The following RAP1GAP2 variants were observed in gnomAD, a reference collection of about 807,000 sequenced individuals.
RAP1GAP2 encodes the protein rap1 GTPase-activating protein 2.
In RAP1GAP2, 27 loss-of-function variants were observed where a neutral mutation model predicts 95.0. That is an observed-to-expected ratio of 0.28 (90% CI 0.21 to 0.39). The LOEUF is 0.39. RAP1GAP2 is among the 10% of genes least tolerant of loss of function. The probability of loss-of-function intolerance (pLI) is 1.00; values close to 1 mark genes in which losing one functional copy is unlikely to be tolerated. For missense variants in RAP1GAP2, 771 were observed against 970.0 expected, an observed-to-expected ratio of 0.79 and a Z score of 2.72; for synonymous variants, 373 against 380.9, an observed-to-expected ratio of 0.98 and a Z score of 0.24.
rs1214998421 is a variant in RAP1GAP2, at chr17:2,866,490, T to C, written c.81-38794T>C. Among the ~76,000 whole-genome samples, 1 of 152,262 alleles carries C rather than the reference T, an allele frequency of 6.6e-6. No individual in the cohort carries two copies. Among genetic ancestry groups the C allele is most frequent in the African/African-American group, 2.4e-5 (1 of 41,472 alleles). Reference sequence around the variant, plus strand: ...AACAATTCTGTAACATTTGTGTTATTGTGATTTTTATTAAATAGAGGTTTG... The same window carrying C: ...AACAATTCTGTAACATTTGTGTTATCGTGATTTTTATTAAATAGAGGTTTG... On this transcript the variant is annotated intron_variant, in intron 2 of 24. Transcript: ENST00000254695. This position sits in a 1 kb window ranked among gnomAD's most constrained non-coding sequence, Gnocchi z 4.0.
intron 8 of RAP1GAP2, among the ~76,000 whole-genome samples, chr17:2,967,204 T>TA (rs1304455068): frequency 6.6e-6 from 1 of 151,836 alleles, no homozygotes. Flanking sequence ...CCGTCTCTAC[T>TA]AAAAATACAA....
chr17:2,998,352 A>T lies in RAP1GAP2; in HGVS notation c.1176A>T (p.Pro392=). 1 of 1,614,014 alleles carries T rather than the reference A, an allele frequency of 6.2e-7. No homozygotes were observed. Among genetic ancestry groups the T allele is most frequent in the Non-Finnish European group, 8.5e-7 (1 of 1,179,888 alleles). ...HAYIVVQVET[P]GTETPSYKVS... ...ACATCGTCGTGCAGGTCGAGACCCC[A>T]GGCACAGAGACCCCATCCTACAAGG... The change falls in exon 14 of 25, where the codon CCA becomes CCT. Residue 392 remains proline, a synonymous_variant. Transcript: ENST00000254695.
intron 2 of RAP1GAP2, among the ~76,000 whole-genome samples, chr17:2,900,983 G>A (rs1472422200): frequency 1.3e-5 from 2 of 152,210 alleles, no homozygotes; most frequent in Admixed American, 6.5e-5. Context: ...GGGGAGGCGA[G>A]GAGCCTGCAG....
intron 2 of RAP1GAP2, among the ~76,000 whole-genome samples, chr17:2,846,286 G>A (rs2071586370): frequency 6.6e-6 from 1 of 152,052 alleles, no homozygotes; most frequent in African/African-American, 2.4e-5. Flanking sequence ...CTTTTGAGGT[G>A]CTTCCTTGTT....
chr17:2,778,198 T>C, intron 1 of RAP1GAP2, among the ~76,000 whole-genome samples: 1 of 151,372 alleles, frequency 6.6e-6, no homozygotes, highest in Non-Finnish European at 1.5e-5. Flanking sequence ...GGGGTGGGCA[T>C]CTGTTGGATT....
intron 21 of RAP1GAP2, 85 bp downstream of exon 21, chr17:3,026,549 G>T (rs1038502105): frequency 4.3e-5 from 48 of 1,119,068 alleles, no homozygotes; most frequent in Non-Finnish European, 5.9e-5. Flanking sequence ...ACTGTGGATC[G>T]AAGCCCATGT....
At chr17:3,015,642 C>T (rs1051203048) in intron 17 of RAP1GAP2, among the ~76,000 whole-genome samples, 4 of 152,024 alleles carry the variant, frequency 2.6e-5, no homozygotes, top group African/African-American at 7.2e-5. Flanking sequence ...CACAGTGAAC[C>T]GCCATCTCTA....
Position 3,005,455 on chromosome 17 carries a change from C to T in RAP1GAP2, c.1272+15C>T, listed in dbSNP as rs760554085. 4 of 1,606,242 alleles carry T rather than the reference C, an allele frequency of 2.5e-6. No homozygotes were observed. In the Admixed American group the frequency reaches 5.0e-5, roughly 20 times the overall value. On this transcript the variant is annotated intron_variant, in intron 15 of 24. Transcript: ENST00000254695. This position sits in a 1 kb window ranked among gnomAD's most constrained non-coding sequence, Gnocchi z 5.2. ...TTTTCCAGAAGGTAGGACACTCTTC[C>T]TTCTGCCCCTCTCGCATCCACGATG... is the stretch of plus-strand genomic sequence containing the variant.
intron 2 of RAP1GAP2, among the ~76,000 whole-genome samples, chr17:2,806,376 T>TTTTTTATTA (rs150744972): frequency 2.9e-5 from 4 of 139,942 alleles, no homozygotes; most frequent in East Asian, 2.1e-4. Context: ...CTACAACCTT[T>TTTTTTATTA]TTATTATTAT....
In RAP1GAP2 at chr17:3,008,131, C is replaced by T. The variant is rs2046392434; in HGVS notation, c.1480C>T (p.Leu494=). ...TGAGAATGGAGGCCACGGGGGGTTC[C>T]TGGAGTCTTTTAAGGTATGAGCGTC... ...KFENGGHGGF[L]ESFKRAIRVR... is the part of the protein sequence containing the mutation. Residue 494 remains leucine, a synonymous_variant, in exon 17 of 25, where the codon CTG becomes TTG. Coordinates refer to ENST00000254695, the MANE Select transcript of RAP1GAP2 (RefSeq NM_015085.5). This position sits in a 1 kb window ranked among gnomAD's most constrained non-coding sequence, Gnocchi z 4.2. 1 of 1,613,832 alleles carries T rather than the reference C, an allele frequency of 6.2e-7. No individual in the cohort carries two copies. Among genetic ancestry groups the T allele is most frequent in the African/African-American group, 1.3e-5 (1 of 74,910 alleles).
At chr17:2,756,364 C>T (rs918014990) in intron 1 of RAP1GAP2, among the ~76,000 whole-genome samples, 1 of 152,224 alleles carries the variant, frequency 6.6e-6, no homozygotes, top group East Asian at 1.9e-4. Flanking sequence ...CTCCGCAGTC[C>T]TGGCCCGCTG....
intron 2 of RAP1GAP2, among the ~76,000 whole-genome samples, chr17:2,824,120 C>CAAAA (rs71150900): frequency 1.9e-5 from 2 of 105,428 alleles, no homozygotes; most frequent in Non-Finnish European, 3.7e-5. Flanking sequence ...AAGACTGTCT[C>CAAAA]AAAAAAAAAA....
At chr17:2,854,600 A>G (rs1450043423) in intron 2 of RAP1GAP2, among the ~76,000 whole-genome samples, 2 of 149,594 alleles carry the variant, frequency 1.3e-5, no homozygotes, top group Non-Finnish European at 3.0e-5. Flanking sequence ...CCCCACCGCC[A>G]TAGGGTGACT....
intron 2 of RAP1GAP2, among the ~76,000 whole-genome samples, chr17:2,805,016 A>G (rs2069455528): frequency 6.6e-6 from 1 of 152,180 alleles, no homozygotes; most frequent in African/African-American, 2.4e-5. Flanking sequence ...GAGTGAATGC[A>G]TGGCTGTGTG....
At position 2,963,797 on chromosome 17, in the gene RAP1GAP2, C is replaced by G; in HGVS notation, c.280-59C>G. The G allele has an allele frequency of 7.0e-7, 1 of 1,418,562 alleles. No individual in the cohort carries two copies. Among genetic ancestry groups the G allele is most frequent in the South Asian group, 1.4e-5 (1 of 73,878 alleles). 87.9% of individuals were successfully genotyped at this position (1,418,562 alleles called of 1,614,324 possible). On this transcript the variant is annotated intron_variant, in intron 6 of 24. Coordinates refer to ENST00000254695, the MANE Select transcript of RAP1GAP2 (RefSeq NM_015085.5). This position sits in a 1 kb window ranked among gnomAD's most constrained non-coding sequence, Gnocchi z 4.8. ...GAGCAGCGCAGAGGGGACACCGCCA[C>G]CGGCCCCCTCCCTCCCCTGCGGTCC...
At chr17:2,802,122 T>A (rs1053049344) in intron 2 of RAP1GAP2, among the ~76,000 whole-genome samples, 1 of 152,160 alleles carries the variant, frequency 6.6e-6, no homozygotes, top group African/African-American at 2.4e-5. Flanking sequence ...TGAATCGCCC[T>A]CCTTCCGAGG....
At chr17:2,990,835 G>A (rs1157081589) in intron 11 of RAP1GAP2, among the ~76,000 whole-genome samples, 4 of 147,738 alleles carry the variant, frequency 2.7e-5, no homozygotes, top group Non-Finnish European at 5.9e-5. Context: ...AGTTTTCAGA[G>A]TTCTTTATTC....
At chr17:2,951,650 C>T (rs1024208275) in intron 3 of RAP1GAP2, among the ~76,000 whole-genome samples, 5 of 151,872 alleles carry the variant, frequency 3.3e-5, no homozygotes, top group South Asian at 2.1e-4. Context: ...GCCAGGAGAT[C>T]GAGACTGCAG....
intron 11 of RAP1GAP2, 73 bp from the exon 12 acceptor site, chr17:2,991,224 G>C: frequency 8.4e-7 from 1 of 1,184,670 alleles, no homozygotes; most frequent in Non-Finnish European, 1.2e-6. Context: ...AGGTACCTGG[G>C]CATCCATATT....
Sources: gnomAD v4.1 joint callset for allele counts (sites outside exome capture counted in the v4.1 genomes callset) on GRCh38, gnomAD v4.1.1 for gene constraint, Gnocchi (gnomAD v3.1) non-coding constraint, MANE v1.5 for transcripts, NCBI Gene and HGNC (gene_info 2026-07-23, HGNC 2026-07-21) for gene names.